FAT3: variants seen among roughly 807,000 people sequenced by gnomAD.
The protein encoded by FAT3 is protocadherin Fat 3.
In FAT3, 95 loss-of-function variants were observed where a neutral mutation model predicts 310.2. The ratio of observed to expected loss-of-function variants is 0.31; its 90% CI spans 0.26 to 0.36. The LOEUF (loss-of-function observed/expected upper bound fraction) is 0.36, where lower values mean the gene tolerates loss of function less well. FAT3 is among the 10% of genes least tolerant of loss of function. FAT3 has a pLI of 1.00. For missense variants in FAT3, 5,408 were observed against 5,715.6 expected, an observed-to-expected ratio of 0.95 and a Z score of 1.74; for synonymous variants, 2,314 against 2,192.9, an observed-to-expected ratio of 1.06 and a Z score of -1.54.
chr11:92,425,846 G>A (rs1950621196), intron 2 of FAT3, among the ~76,000 whole-genome samples: 1 of 152,146 alleles, frequency 6.6e-6, no homozygotes, highest in Admixed American at 6.5e-5. Flanking sequence ...GTAAACATAT[G>A]TGTGCATGTG....
intron 3 of FAT3, among the ~76,000 whole-genome samples, chr11:92,537,636 G>A (rs1311590791): frequency 6.6e-6 from 1 of 152,102 alleles, no homozygotes; most frequent in Non-Finnish European, 1.5e-5. Flanking sequence ...GTGCCTATGT[G>A]CATGAAGCAA....
chr11:92,738,102 A>T (rs1565553844), intron 4 of FAT3, among the ~76,000 whole-genome samples: 1 of 152,176 alleles, frequency 6.6e-6, no homozygotes, highest in Non-Finnish European at 1.5e-5. Context: ...TGAGAATTAA[A>T]GGTCTTAAGG....
chr11:92,601,281 C>T (rs1461490062), intron 3 of FAT3, among the ~76,000 whole-genome samples: 1 of 152,042 alleles, frequency 6.6e-6, no homozygotes, highest in African/African-American at 2.4e-5. Context: ...CATAGGCTGC[C>T]AGGTGCAGTG....
At chr11:92,280,250 G>A (rs1946387521) in intron 1 of FAT3, among the ~76,000 whole-genome samples, 2 of 152,094 alleles carry the variant, frequency 1.3e-5, no homozygotes. Context: ...GATTTAATAT[G>A]ACAAAAGCCT....
At chr11:92,559,419 CTG>C (rs1174352156) in intron 3 of FAT3, 1 of 196,192 alleles carries the variant, frequency 5.1e-6, no homozygotes, top group Admixed American at 6.6e-5. Flanking sequence ...GGGTCTTGCT[CTG>C]TTGCCCAGGC....
chr11:92,374,244 C>T (rs1416858154), intron 2 of FAT3, among the ~76,000 whole-genome samples: 1 of 152,158 alleles, frequency 6.6e-6, no homozygotes, highest in Non-Finnish European at 1.5e-5. Flanking sequence ...ATCTCTTAAT[C>T]CAGTCAAGTT....
intron 2 of FAT3, among the ~76,000 whole-genome samples, chr11:92,521,365 A>G (rs1053413658): frequency 1.3e-5 from 2 of 152,190 alleles, no homozygotes; most frequent in African/African-American, 4.8e-5. Context: ...AGAATGGCAC[A>G]TGACCAGAGA....
intron 2 of FAT3, among the ~76,000 whole-genome samples, chr11:92,468,511 T>G (rs11019970): frequency 0.055 from 8,387 of 152,132 alleles, 482 homozygotes; most frequent in African/African-American, 0.14. Context: ...TCAGAGAAAC[T>G]GTGGTAGGAT....
At chr11:92,451,448 ATAAT>A (rs1336110741) in intron 2 of FAT3, among the ~76,000 whole-genome samples, 2 of 152,178 alleles carry the variant, frequency 1.3e-5, no homozygotes, top group Non-Finnish European at 2.9e-5. Flanking sequence ...GAAAATTAGA[ATAAT>A]TAAGTTTCCT....
chr11:92,354,230 G>T lies in FAT3; in HGVS notation c.2118G>T (p.Leu706=). 6.2e-7 allele frequency: 1 copy of T among 1,613,768 alleles called. No individual in the cohort carries two copies. The highest frequency in any genetic ancestry group is 8.5e-7 in the Non-Finnish European group (1 of 1,179,860). Residue 706 remains leucine, a synonymous_variant, in exon 2 of 28, where the codon CTG becomes CTT. Transcript: ENST00000525166. ...LLIKAKANGK[L]NLEDGFLDFY... ...TTAAGGCAAAAGCAAATGGGAAACT[G>T]AATCTGGAAGATGGATTTCTTGACT...
At chr11:92,640,792 C>A (rs1214161849) in intron 3 of FAT3, among the ~76,000 whole-genome samples, 1 of 152,094 alleles carries the variant, frequency 6.6e-6, no homozygotes, top group Non-Finnish European at 1.5e-5. Flanking sequence ...TTTTATGGGC[C>A]CCAATGTTGT....
chr11:92,414,996 C>T (rs1241789045), intron 2 of FAT3, among the ~76,000 whole-genome samples: 1 of 108,426 alleles, frequency 9.2e-6, no homozygotes, highest in Non-Finnish European at 1.9e-5. Flanking sequence ...GGCAAGAGTG[C>T]AAGATTTCGT....
chr11:92,476,156 G>T (rs903392002), intron 2 of FAT3, among the ~76,000 whole-genome samples: 1 of 151,880 alleles, frequency 6.6e-6, no homozygotes, highest in Non-Finnish European at 1.5e-5. Context: ...CAGTAAAGAG[G>T]TCTACCAAAT....
Position 92,891,107 on chromosome 11 carries a change from A to C in FAT3, c.13764A>C (p.Gln4588His). 1 of 1,613,282 alleles carries C rather than the reference A, an allele frequency of 6.2e-7. No homozygotes were observed. The highest frequency in any genetic ancestry group is 8.5e-7 in the Non-Finnish European group (1 of 1,179,618). Residue 4588 changes from glutamine (Q) to histidine (H), a missense_variant, in exon 28 of 28, where the codon CAA (glutamine) becomes CAC (histidine). By Grantham distance (24) the Gln-to-His change is conservative. Around this residue, in one of 5 missense-constraint regions of FAT3, gnomAD observed 649 missense variants for 666.2 expected, o/e 0.97. Coordinates refer to ENST00000525166, the MANE Select transcript of FAT3 (RefSeq NM_001367949.2). ...TTGTGGAGACTCAGCATCAGACTCA[A>C]GTGTAGACATCACATCTTGGGTACT... is the stretch of plus-strand genomic sequence containing the variant. Reference protein sequence around the residue: ...IPFVETQHQTQV With the variant: ...IPFVETQHQTHV
At chr11:92,289,677 G>A (rs1428559327) in intron 1 of FAT3, among the ~76,000 whole-genome samples, 1 of 152,062 alleles carries the variant, frequency 6.6e-6, no homozygotes, top group Non-Finnish European at 1.5e-5. Context: ...CAAGAAGACA[G>A]GGTAAAAATG....
At chr11:92,475,406 C>G (rs4459256) in intron 2 of FAT3, among the ~76,000 whole-genome samples, 7 of 151,994 alleles carry the variant, frequency 4.6e-5, no homozygotes, top group Non-Finnish European at 1.0e-4. Context: ...TGGATATACT[C>G]TAGGATGCTA....
In FAT3 at chr11:92,766,147, G is replaced by A. The variant is rs1029053871; in HGVS notation, c.4195+1058G>A. Among the ~76,000 whole-genome samples the A allele has an allele frequency of 6.6e-5, 10 of 152,310 alleles. 1 individual carries two copies. The South Asian group carries it at 2.1e-3, about 32-fold the overall frequency. Reference sequence around the variant, plus strand: ...TGAAAGAAAGCAAGCAAGCACGCCAGGCTGCAAAAGGAAAGGGCAAAACAG... The same window carrying A: ...TGAAAGAAAGCAAGCAAGCACGCCAAGCTGCAAAAGGAAAGGGCAAAACAG... On this transcript the variant is annotated intron_variant, in intron 6 of 27. Coordinates refer to ENST00000525166, the MANE Select transcript of FAT3 (RefSeq NM_001367949.2).
rs181269755 is a variant in FAT3, at chr11:92,407,325, G to A, written c.3292+51921G>A. On this transcript the variant is annotated intron_variant, in intron 2 of 27. Coordinates refer to ENST00000525166, the MANE Select transcript of FAT3 (RefSeq NM_001367949.2). ...AAGACTGGAGCTGCAGTAGTGAGGG[G>A]GAAGGCAAGCACAGTTCTTGAAGAG... 9.2e-5 allele frequency among the ~76,000 whole-genome samples: 14 copies of A among 152,194 alleles called. No homozygotes were observed. The South Asian group carries it at 1.7e-3, about 18-fold the overall frequency.
intron 25 of FAT3, among the ~76,000 whole-genome samples, chr11:92,888,023 C>T (rs1249477885): frequency 6.6e-6 from 1 of 152,154 alleles, no homozygotes; most frequent in Non-Finnish European, 1.5e-5. Context: ...TTTGCATGTG[C>T]TGAGTCCTTT....
Sources: allele counts gnomAD v4.1 joint callset (sites outside exome capture counted in the v4.1 genomes callset), GRCh38; gene constraint gnomAD v4.1.1; regional missense constraint gnomAD v4.1.1; transcripts MANE v1.5; gene names NCBI Gene and HGNC (gene_info 2026-07-23, HGNC 2026-07-21).